ATP9B: variants seen among roughly 807,000 people sequenced by gnomAD.
ATP9B encodes the protein probable phospholipid-transporting ATPase IIB.
Under a neutral mutation model 146.1 loss-of-function variants are expected in ATP9B, and 110 were observed. The observed-to-expected ratio is 0.75, with a 90% CI of 0.65 to 0.88. ATP9B has a LOEUF of 0.88. ATP9B is among the 40% of genes least tolerant of loss of function. ATP9B has a pLI of 0.00. For missense variants in ATP9B, 1,499 were observed against 1,496.4 expected (o/e 1.00, Z -0.03); for synonymous variants, 604 against 569.7 (o/e 1.06, Z -0.86).
intron 11 of ATP9B, among the ~76,000 whole-genome samples, chr18:79,240,376 T>C (rs1432976993): frequency 6.6e-6 from 1 of 152,192 alleles, no homozygotes; most frequent in Non-Finnish European, 1.5e-5. Flanking sequence ...CAAATAAAAA[T>C]AGTAAAAGAG....
Position 79,176,900 on chromosome 18 carries a change from C to T in ATP9B, c.866C>T (p.Ala289Val). 5 of 1,613,936 alleles carry T rather than the reference C, an allele frequency of 3.1e-6. No individual in the cohort carries two copies. Among genetic ancestry groups the T allele is most frequent in the Non-Finnish European group, 4.2e-6 (5 of 1,179,866 alleles). ...GTGAGCTGCACGCAACAGCTGCCGG[C>T]TCTGGGGGTGAGCAGCACCAAGACT... ...VAVSCTQQLPALGDLFSISAY... is the reference protein window; with the variant it reads ...VAVSCTQQLPVLGDLFSISAY... Residue 289 changes from alanine (A) to valine (V), a missense_variant, in exon 8 of 30, where the codon GCT becomes GTT. By Grantham distance (64) the Ala-to-Val change is moderately conservative (BLOSUM62 0). Coordinates refer to ENST00000426216, the MANE Select transcript of ATP9B (RefSeq NM_198531.5).
At chr18:79,104,587 T>A (rs1363097010) in intron 2 of ATP9B, among the ~76,000 whole-genome samples, 1 of 151,516 alleles carries the variant, frequency 6.6e-6, no homozygotes, top group African/African-American at 2.4e-5. Context: ...AAGTGAAATG[T>A]AACAGCCAAA....
intron 15 of ATP9B, among the ~76,000 whole-genome samples, chr18:79,312,626 G>A (rs906940451): frequency 6.6e-6 from 1 of 152,184 alleles, no homozygotes; most frequent in Non-Finnish European, 1.5e-5. Context: ...CCTGCTGAGC[G>A]AACCTTGGCT....
chr18:79,106,944 A>G (rs1048077404), intron 2 of ATP9B, among the ~76,000 whole-genome samples: 1 of 152,220 alleles, frequency 6.6e-6, no homozygotes, highest in African/African-American at 2.4e-5. Context: ...TGTTAATATC[A>G]GATAATGCTA....
chr18:79,082,483 C>T (rs1020701733), intron 1 of ATP9B, among the ~76,000 whole-genome samples: 10 of 152,118 alleles, frequency 6.6e-5, no homozygotes, highest in Non-Finnish European at 1.3e-4. Context: ...GGAGAAGAGG[C>T]GTTCTGGTTT....
chr18:79,164,029 C>G (rs972312126), intron 7 of ATP9B, among the ~76,000 whole-genome samples: 13 of 152,034 alleles, frequency 8.6e-5, no homozygotes, highest in Non-Finnish European at 1.5e-4. Context: ...AGTGATCCTT[C>G]CACCTCAGTT....
chr18:79,209,273 C>T (rs182059136), intron 10 of ATP9B, among the ~76,000 whole-genome samples: 17 of 152,354 alleles, frequency 1.1e-4, no homozygotes, highest in African/African-American at 3.6e-4. Flanking sequence ...AGAAGACTTA[C>T]ATTTTCCATA....
intron 17 of ATP9B, 107 bp downstream of exon 17, chr18:79,330,211 G>T: frequency 9.9e-7 from 1 of 1,007,898 alleles, no homozygotes. Context: ...ATTGATAGAT[G>T]ACAGGAAAAG....
At chr18:79,085,892 A>T (rs2146587286) in intron 1 of ATP9B, 1 of 151,994 alleles carries the variant, frequency 6.6e-6, no homozygotes, top group Admixed American at 6.6e-5. Context: ...AGTTTTTTTT[A>T]ATACTAGATT....
intron 8 of ATP9B, among the ~76,000 whole-genome samples, chr18:79,181,815 T>G (rs1395210762): frequency 1.3e-5 from 2 of 152,226 alleles, no homozygotes; most frequent in African/African-American, 4.8e-5. Context: ...TATGGCTTCA[T>G]TGGACTATTT....
At chr18:79,108,042 C>T (rs1057336903) in intron 2 of ATP9B, among the ~76,000 whole-genome samples, 12 of 152,134 alleles carry the variant, frequency 7.9e-5, no homozygotes. Context: ...GGAGTGTGTG[C>T]TGTCACCAGA....
intron 11 of ATP9B, among the ~76,000 whole-genome samples, chr18:79,231,376 C>T (rs1046875604): frequency 6.6e-6 from 1 of 151,892 alleles, no homozygotes; most frequent in African/African-American, 2.4e-5. Context: ...TACAAATGGC[C>T]AACAAATATA....
intron 12 of ATP9B, among the ~76,000 whole-genome samples, chr18:79,270,795 G>A (rs1482830268): frequency 6.6e-6 from 1 of 152,116 alleles, no homozygotes; most frequent in East Asian, 1.9e-4. Context: ...CAGTGTTCTT[G>A]AGCTTGCCTG....
chr18:79,185,003 T>C (rs1352277531), intron 8 of ATP9B, among the ~76,000 whole-genome samples: 2 of 150,938 alleles, frequency 1.3e-5, no homozygotes, highest in South Asian at 4.2e-4. Context: ...ACCCAAAAAA[T>C]CCAGCCAAGC....
chr18:79,274,826 A>C (rs896232599), intron 12 of ATP9B, among the ~76,000 whole-genome samples: 21 of 152,210 alleles, frequency 1.4e-4, no homozygotes, highest in Admixed American at 1.4e-3. Context: ...TCAACTTACC[A>C]TATTTCAGTG....
intron 29 of ATP9B, chr18:79,375,676 G>A (rs1331612792): frequency 9.8e-5 from 97 of 985,248 alleles, no homozygotes; most frequent in Non-Finnish European, 1.1e-4. Flanking sequence ...CATCTGCTGA[G>A]GATTGCATGA....
At chr18:79,281,582 A>C (rs2096377376) in intron 13 of ATP9B, among the ~76,000 whole-genome samples, 1 of 152,254 alleles carries the variant, frequency 6.6e-6, no homozygotes, top group African/African-American at 2.4e-5. Context: ...TACTTAAAAG[A>C]AATTTTAAGA....
At chr18:79,075,202 A>G (rs1284937061) in intron 1 of ATP9B, among the ~76,000 whole-genome samples, 1 of 151,930 alleles carries the variant, frequency 6.6e-6, no homozygotes, top group African/African-American at 2.4e-5. Context: ...TCAGCCTCTC[A>G]AGTAGCTGGG....
At chr18:79,160,063 T>A (rs2094854116) in intron 7 of ATP9B, among the ~76,000 whole-genome samples, 1 of 152,240 alleles carries the variant, frequency 6.6e-6, no homozygotes, top group South Asian at 2.1e-4. Context: ...GCTGTTTGTG[T>A]TCTGTGTGTC....
Sources: gnomAD v4.1 joint callset for allele counts (sites outside exome capture counted in the v4.1 genomes callset) on GRCh38, gnomAD v4.1.1 for gene constraint, MANE v1.5 for transcripts, NCBI Gene and HGNC (gene_info 2026-07-23, HGNC 2026-07-21) for gene names.